FOXP1: variants seen among roughly 807,000 people sequenced by gnomAD.
FOXP1 encodes the protein forkhead box P1.
FOXP1 carries 15 observed loss-of-function variants against 98.2 expected under a neutral mutation model. The ratio of observed to expected loss-of-function variants is 0.15; its 90% CI spans 0.10 to 0.24. FOXP1 has a LOEUF of 0.24. Among genes scored for constraint, FOXP1 ranks in the 10% least tolerant of loss-of-function variants. The pLI is 1.00. For synonymous variants in FOXP1, 371 were observed against 314.5 expected (o/e 1.18, Z -1.90); for missense variants, 633 against 848.5 (o/e 0.75, Z 3.15).
intron 3 of FOXP1, among the ~76,000 whole-genome samples, chr3:71,411,285 G>A (rs2082713532): frequency 2.2e-5 from 2 of 91,030 alleles, no homozygotes; most frequent in African/African-American, 8.8e-5. Context: ...GGGCGTGTGT[G>A]TGTGTGTGTG....
chr3:71,158,097 A>AAGGAAGGAAGGAAGGAAGGG (rs1560038070), intron 6 of FOXP1, among the ~76,000 whole-genome samples: 19 of 21,152 alleles, frequency 9.0e-4, no homozygotes, highest in East Asian at 2.2e-3. Context: ...GGAAGGAAGG[A>AAGGAAGGAAGGAAGGAAGGG]AGGAAGGAAG....
intron 4 of FOXP1, among the ~76,000 whole-genome samples, chr3:71,310,629 G>A (rs1183110260): frequency 6.6e-6 from 1 of 152,156 alleles, no homozygotes; most frequent in Non-Finnish European, 1.5e-5. Flanking sequence ...TCCATGTTCC[G>A]GGATGAGACT....
intron 6 of FOXP1, among the ~76,000 whole-genome samples, chr3:71,177,029 C>T (rs764786421): frequency 6.6e-6 from 1 of 152,168 alleles, no homozygotes; most frequent in Non-Finnish European, 1.5e-5. Flanking sequence ...TGCCACTGCA[C>T]TCCAGCCTGG....
chr3:71,304,547 A>C (rs1282879279), intron 4 of FOXP1: 2 of 152,182 alleles, frequency 1.3e-5, no homozygotes, highest in Non-Finnish European at 2.9e-5. Context: ...TTAAGTGAAA[A>C]CTATTATCTC....
chr3:70,998,055 C>T (rs761768537), intron 13 of FOXP1, among the ~76,000 whole-genome samples: 34 of 152,120 alleles, frequency 2.2e-4, no homozygotes, highest in African/African-American at 7.7e-4. Flanking sequence ...GAGATAAAAG[C>T]GGGTGAGCAG....
At chr3:71,379,774 G>T (rs2080002567) in intron 3 of FOXP1, among the ~76,000 whole-genome samples, 1 of 152,218 alleles carries the variant, frequency 6.6e-6, no homozygotes, top group Non-Finnish European at 1.5e-5. Context: ...CTGAGTGGTT[G>T]CAACAAAGAC....
intron 5 of FOXP1, among the ~76,000 whole-genome samples, chr3:71,252,727 A>G (rs1022641870): frequency 6.6e-6 from 1 of 152,246 alleles, no homozygotes; most frequent in Non-Finnish European, 1.5e-5. Context: ...AAGTGAAACA[A>G]AATGTCCTAG....
chr3:71,418,041 A>G (rs1231299751), intron 3 of FOXP1, among the ~76,000 whole-genome samples: 1 of 150,414 alleles, frequency 6.6e-6, no homozygotes, highest in Non-Finnish European at 1.5e-5. Flanking sequence ...CGAAGTTGCC[A>G]GTGTTAATTT....
At chr3:71,173,713 T>C (rs2061771270) in intron 6 of FOXP1, among the ~76,000 whole-genome samples, 1 of 152,144 alleles carries the variant, frequency 6.6e-6, no homozygotes, top group African/African-American at 2.4e-5. Context: ...AACAATTAGA[T>C]GTGGAGATGA....
At chr3:71,436,145 T>G (rs1339463345) in intron 3 of FOXP1, among the ~76,000 whole-genome samples, 6 of 151,922 alleles carry the variant, frequency 3.9e-5, no homozygotes, top group Admixed American at 3.9e-4. Context: ...CTATTACATA[T>G]TTCCCAAACT....
intron 6 of FOXP1, among the ~76,000 whole-genome samples, chr3:71,152,560 A>G (rs1348184881): frequency 2.0e-5 from 3 of 152,148 alleles, no homozygotes; most frequent in Non-Finnish European, 4.4e-5. Context: ...GGAGGCCCCC[A>G]GCGTGTGGGG....
chr3:71,016,852 G>A (rs1009243279), intron 11 of FOXP1, among the ~76,000 whole-genome samples: 1 of 151,876 alleles, frequency 6.6e-6, no homozygotes, highest in African/African-American at 2.4e-5. Context: ...ACAAACCAAG[G>A]AGCATAAAAA....
chr3:71,504,366 G>C (rs531032624), intron 2 of FOXP1, among the ~76,000 whole-genome samples: 1 of 152,210 alleles, frequency 6.6e-6, no homozygotes, highest in South Asian at 2.1e-4. Context: ...TCAGCATTTA[G>C]TTGTCTGAGC....
chr3:71,377,761 T>A (rs2079829919), intron 3 of FOXP1, among the ~76,000 whole-genome samples: 1 of 152,342 alleles, frequency 6.6e-6, no homozygotes, highest in African/African-American at 2.4e-5. Flanking sequence ...GTTTTGAAAT[T>A]AAGAACATCT....
intron 5 of FOXP1, among the ~76,000 whole-genome samples, chr3:71,278,132 G>A (rs1529669): frequency 0.3 from 46,194 of 151,936 alleles, 7,164 homozygotes; most frequent in African/African-American, 0.32. Flanking sequence ...TAGCCCCTAC[G>A]TAACCCAGAG....
chr3:70,997,629 ACT>A (rs906378078), intron 13 of FOXP1, among the ~76,000 whole-genome samples: 2 of 151,830 alleles, frequency 1.3e-5, no homozygotes, highest in Admixed American at 6.6e-5. Context: ...TAGCACTGAA[ACT>A]CTCTTTTGAA....
chr3:71,033,009 G>T (rs1321176349), intron 11 of FOXP1, among the ~76,000 whole-genome samples: 2 of 152,120 alleles, frequency 1.3e-5, no homozygotes, highest in African/African-American at 4.8e-5. Flanking sequence ...GAGTAAAACC[G>T]AGTACCATGG....
At chr3:71,582,465 C>T in intron 1 of FOXP1, 2 of 985,340 alleles carry the variant, frequency 2.0e-6, no homozygotes, top group East Asian at 1.1e-4. Context: ...AGGAATAGAG[C>T]GCAGGGAGCT....
intron 6 of FOXP1, among the ~76,000 whole-genome samples, chr3:71,183,352 G>C (rs1299734289): frequency 6.6e-6 from 1 of 152,054 alleles, no homozygotes; most frequent in Admixed American, 6.6e-5. Flanking sequence ...AAAAACATTA[G>C]CTGGGCAATA....
Sources: gnomAD v4.1 joint callset for allele counts (sites outside exome capture counted in the v4.1 genomes callset) on GRCh38, gnomAD v4.1.1 for gene constraint, MANE v1.5 for transcripts, NCBI Gene and HGNC (gene_info 2026-07-23, HGNC 2026-07-21) for gene names.